The following LRRIQ3 variants were observed in gnomAD, a reference collection of about 807,000 sequenced individuals.
LRRIQ3 encodes leucine rich repeats and IQ motif containing 3, also known as leucine-rich repeat and IQ domain-containing protein 3.
LRRIQ3 carries 75 observed loss-of-function variants against 59.3 expected under a neutral mutation model. That is an observed-to-expected ratio of 1.26 (90% confidence interval 1.05 to 1.53). The LOEUF is 1.53. Among genes scored for constraint, LRRIQ3 ranks in the 40% most tolerant of loss-of-function variants. The pLI is 0.00. For missense variants in LRRIQ3, 831 were observed against 710.0 expected (o/e 1.17, Z -1.94); for synonymous variants, 250 against 231.3 (o/e 1.08, Z -0.73).
chr1:74,166,556 A>T (rs1649002748), intron 3 of LRRIQ3, among the ~76,000 whole-genome samples: 1 of 151,538 alleles, frequency 6.6e-6, no homozygotes, highest in African/African-American at 2.4e-5. Context: ...TTCACTCCTT[A>T]TCATTTTGTT....
intron 5 of LRRIQ3, chr1:74,083,683 T>C (rs1452369760): frequency 3.9e-5 from 6 of 151,912 alleles, no homozygotes; most frequent in East Asian, 1.9e-4. Context: ...TGTTGATGTA[T>C]AGGTAAGTCA....
At chr1:74,121,070 T>G (rs1180022350) in intron 4 of LRRIQ3, among the ~76,000 whole-genome samples, 1 of 152,178 alleles carries the variant, frequency 6.6e-6, no homozygotes, top group Non-Finnish European at 1.5e-5. Context: ...TAAAAAACTT[T>G]TCCTATGTGC....
In LRRIQ3 at chr1:74,198,169, G is replaced by A. The variant is rs1408575144; in HGVS notation, c.-174C>T. On this transcript the variant is annotated 5_prime_UTR_variant, in exon 1 of 8. Transcript: ENST00000354431. ...GGGCGCCAGCCAAGGCGCTCCGGGG[G>A]CGTGGTTACGTGGGCGACGCACGGA... 7.2e-6 allele frequency: 11 copies of A among 1,524,996 alleles called. No homozygotes were observed. The highest frequency in any genetic ancestry group is 2.6e-6 in the Non-Finnish European group (3 of 1,137,868). 94.5% of individuals were successfully genotyped at this position (1,524,996 alleles called of 1,614,324 possible).
chr1:74,138,116 G>C (rs1012713953), intron 4 of LRRIQ3, among the ~76,000 whole-genome samples: 1 of 146,788 alleles, frequency 6.8e-6, no homozygotes, highest in African/African-American at 2.5e-5. Context: ...AAGAAGAAAA[G>C]AAATAAATAT....
chr1:74,129,590 G>C (rs79698991), intron 4 of LRRIQ3, among the ~76,000 whole-genome samples: 1,703 of 152,014 alleles, frequency 0.011, 47 homozygotes, highest in East Asian at 0.054. Flanking sequence ...GGCCAAGCTG[G>C]TACCTAATCT....
At chr1:74,193,863 A>G (rs889824977) in intron 1 of LRRIQ3, among the ~76,000 whole-genome samples, 2 of 152,164 alleles carry the variant, frequency 1.3e-5, no homozygotes, top group African/African-American at 2.4e-5. Context: ...AAATCATAAA[A>G]AAAGAATAAA....
At chr1:74,131,574 T>C (rs1647020786) in intron 4 of LRRIQ3, among the ~76,000 whole-genome samples, 1 of 152,050 alleles carries the variant, frequency 6.6e-6, no homozygotes, top group Non-Finnish European at 1.5e-5. Flanking sequence ...GTTCAACATA[T>C]GCAAATCAAT....
intron 7 of LRRIQ3, among the ~76,000 whole-genome samples, chr1:74,035,278 G>T (rs1383739277): frequency 1.3e-5 from 2 of 151,276 alleles, no homozygotes; most frequent in Non-Finnish European, 2.9e-5. Flanking sequence ...TATAGACATA[G>T]AAGTAGACAT....
chr1:74,043,756 T>C (rs1045631190), intron 6 of LRRIQ3, among the ~76,000 whole-genome samples: 1 of 152,134 alleles, frequency 6.6e-6, no homozygotes, highest in African/African-American at 2.4e-5. Flanking sequence ...TTGTACCTTA[T>C]ACACAAACAA....
intron 3 of LRRIQ3, among the ~76,000 whole-genome samples, chr1:74,157,712 G>T (rs1312879156): frequency 2.0e-5 from 3 of 151,288 alleles, no homozygotes; most frequent in African/African-American, 7.3e-5. Flanking sequence ...GTTTACTTCT[G>T]CACTTTAAAA....
intron 3 of LRRIQ3, among the ~76,000 whole-genome samples, chr1:74,174,274 A>C (rs1393061212): frequency 6.6e-6 from 1 of 150,828 alleles, no homozygotes; most frequent in African/African-American, 2.4e-5. Context: ...TAATTTCACT[A>C]ATTCTTTCTT....
At position 74,063,638 on chromosome 1, in the gene LRRIQ3, A is replaced by G. The variant is rs1654790430; in HGVS notation, c.997+11023T>C. ...GTGTTGACTCTTTCATTATTGTGAC[A>G]TGCCTCTCTTTATTTCTAGCAACAC... On this transcript the variant is annotated intron_variant, in intron 6 of 7. Coordinates refer to ENST00000354431, the MANE Select transcript of LRRIQ3 (RefSeq NM_001105659.2). 2.0e-5 allele frequency among the ~76,000 whole-genome samples: 3 copies of G among 152,110 alleles called. No individual in the cohort carries two copies. In the South Asian group the frequency reaches 6.2e-4, roughly 32 times the overall value.
Position 74,026,983 on chromosome 1 carries a change from G to C in LRRIQ3, c.1719-14C>G. On this transcript the variant is annotated splice_polypyrimidine_tract_variant and intron_variant, in intron 7 of 7. Coordinates refer to ENST00000354431, the MANE Select transcript of LRRIQ3 (RefSeq NM_001105659.2). ...ATTTCTTGAGATCTAAGAGGAGAAA[G>C]AAAGGTAATAGAATGAGATACTTTT... 2 of 1,476,364 alleles carry C rather than the reference G, an allele frequency of 1.4e-6. No individual in the cohort carries two copies. The highest frequency in any genetic ancestry group is 4.6e-5 in the East Asian group (2 of 43,640). The allele number at this position is 1,476,364 out of a possible 1,614,324, so 91.5% of individuals were successfully genotyped here.
chr1:74,033,590 T>A (rs1281631728), intron 7 of LRRIQ3, among the ~76,000 whole-genome samples: 2 of 151,940 alleles, frequency 1.3e-5, no homozygotes, highest in Non-Finnish European at 2.9e-5. Context: ...TCTATGGAAA[T>A]CAGTTTATTA....
intron 3 of LRRIQ3, among the ~76,000 whole-genome samples, chr1:74,170,290 A>G (rs1459151529): frequency 6.6e-6 from 1 of 152,144 alleles, no homozygotes; most frequent in Non-Finnish European, 1.5e-5. Flanking sequence ...TTTTCCTTCT[A>G]GAAGTTTTAT....
chr1:74,187,352 T>TTA (rs113116485), intron 1 of LRRIQ3, among the ~76,000 whole-genome samples: 68,480 of 145,302 alleles, frequency 0.47, 16,435 homozygotes, highest in East Asian at 0.85. Context: ...AGGTATATGT[T>TTA]TACACACACA....
chr1:74,184,876 A>C (rs1405232150), intron 1 of LRRIQ3, among the ~76,000 whole-genome samples: 1 of 152,226 alleles, frequency 6.6e-6, no homozygotes, highest in Non-Finnish European at 1.5e-5. Flanking sequence ...GCTGGGATGT[A>C]GGATAATATA....
intron 4 of LRRIQ3, among the ~76,000 whole-genome samples, chr1:74,112,675 C>T (rs1473031811): frequency 6.6e-6 from 1 of 152,122 alleles, no homozygotes; most frequent in Non-Finnish European, 1.5e-5. Flanking sequence ...AAAGCTTATA[C>T]CACTGTCCTA....
chr1:74,134,158 C>T (rs909495068), intron 4 of LRRIQ3, among the ~76,000 whole-genome samples: 9 of 151,940 alleles, frequency 5.9e-5, no homozygotes, highest in African/African-American at 2.2e-4. Flanking sequence ...TTGGCAACTC[C>T]TCTTTCCAAA....
Sources: allele counts gnomAD v4.1 joint callset (sites outside exome capture counted in the v4.1 genomes callset), GRCh38; gene constraint gnomAD v4.1.1; transcripts MANE v1.5; gene names NCBI Gene and HGNC (gene_info 2026-07-23, HGNC 2026-07-21).